The following XCR1 variants were observed in gnomAD, a reference collection of about 807,000 sequenced individuals.
The protein encoded by XCR1 is X-C motif chemokine receptor 1.
For missense variants in XCR1, 356 were observed against 424.2 expected, an observed-to-expected ratio of 0.84 and a Z score of 1.41; for synonymous variants, 187 against 188.5, an observed-to-expected ratio of 0.99 and a Z score of 0.06.
intron 3 of XCR1, among the ~76,000 whole-genome samples, chr3:46,070,478 T>C (rs1485725194): frequency 4.6e-5 from 7 of 152,144 alleles, no homozygotes; most frequent in African/African-American, 1.7e-4. Flanking sequence ...GTTGGCTGCA[T>C]ATATATTTAG....
At chr3:46,082,346 T>A (rs1032722504) in intron 1 of XCR1, among the ~76,000 whole-genome samples, 7 of 152,098 alleles carry the variant, frequency 4.6e-5, no homozygotes, top group African/African-American at 9.7e-5. Flanking sequence ...GTATCCTCTC[T>A]TGGATAAAAT....
intron 4 of XCR1, among the ~76,000 whole-genome samples, chr3:46,060,476 C>A (rs1198008876): frequency 6.6e-6 from 1 of 152,164 alleles, no homozygotes; most frequent in Admixed American, 6.5e-5. Context: ...TCATCCCAAC[C>A]AACACAGCAC....
chr3:46,061,659 A>T (rs1697964341), intron 4 of XCR1, among the ~76,000 whole-genome samples: 1 of 152,148 alleles, frequency 6.6e-6, no homozygotes. Context: ...AAATCAGAAG[A>T]TACAGCCATA....
chr3:46,037,499 A>G (rs1237114489), intron 5 of XCR1, among the ~76,000 whole-genome samples: 2 of 152,188 alleles, frequency 1.3e-5, no homozygotes, highest in African/African-American at 4.8e-5. Context: ...ATGACTAGTT[A>G]TTTAAAAAAG....
intron 5 of XCR1, among the ~76,000 whole-genome samples, chr3:46,041,337 A>G (rs1387744231): frequency 6.6e-6 from 1 of 152,142 alleles, no homozygotes; most frequent in Non-Finnish European, 1.5e-5. Flanking sequence ...TTCTTGTTGC[A>G]CTTTGTGTGA....
chr3:46,032,834 T>C (rs934970238), intron 5 of XCR1, among the ~76,000 whole-genome samples: 2 of 152,236 alleles, frequency 1.3e-5, no homozygotes, highest in Non-Finnish European at 2.9e-5. Flanking sequence ...AATACGTGCA[T>C]GGGGTACCTC....
chr3:46,085,229 G>T (rs1698452925), intron 1 of XCR1, among the ~76,000 whole-genome samples: 1 of 146,554 alleles, frequency 6.8e-6, no homozygotes, highest in Admixed American at 6.8e-5. Context: ...AAAAAAAAAG[G>T]TTCCATCACC....
intron 4 of XCR1, among the ~76,000 whole-genome samples, chr3:46,054,825 G>A (rs1697822929): frequency 2.0e-5 from 3 of 152,166 alleles, no homozygotes; most frequent in African/African-American, 4.8e-5. Context: ...GATGAATGAG[G>A]GGGTCAGGCA....
chr3:46,035,697 C>T (rs1191428584), intron 5 of XCR1, among the ~76,000 whole-genome samples: 3 of 152,154 alleles, frequency 2.0e-5, no homozygotes, highest in African/African-American at 4.8e-5. Context: ...GGTGAGTGTC[C>T]TTTGTGGGCC....
intron 1 of XCR1, 40 bp from the exon 2 acceptor site, chr3:46,022,018 G>T (rs544440022): frequency 4.6e-6 from 7 of 1,517,668 alleles, no homozygotes; most frequent in Non-Finnish European, 6.2e-6. Flanking sequence ...CCATGTGGTG[G>T]CTGGGTACAG....
chr3:46,023,174 A>T (rs1708195520), intron 1 of XCR1: 1 of 426,318 alleles, frequency 2.3e-6, no homozygotes, highest in African/African-American at 2.1e-5. Context: ...GGGCCTGAGG[A>T]GGAAGTGGAG....
intron 4 of XCR1, among the ~76,000 whole-genome samples, chr3:46,065,461 C>G (rs971092144): frequency 6.6e-6 from 1 of 152,238 alleles, no homozygotes; most frequent in Non-Finnish European, 1.5e-5. Flanking sequence ...CACTCTACAA[C>G]AAGCTCCGGC....
upstream of XCR1, among the ~76,000 whole-genome samples, chr3:46,031,271 C>T (rs1708390053): frequency 6.6e-6 from 1 of 152,248 alleles, no homozygotes; most frequent in African/African-American, 2.4e-5. Context: ...CATCTCTGCA[C>T]TGTCGGGGGC....
intron 4 of XCR1, among the ~76,000 whole-genome samples, chr3:46,064,336 C>G (rs1482189628): frequency 6.6e-6 from 1 of 152,178 alleles, no homozygotes; most frequent in Non-Finnish European, 1.5e-5. Context: ...TCTCCAGTGC[C>G]TAGGGCAGTA....
chr3:46,064,765 C>T (rs1304285139), intron 4 of XCR1, among the ~76,000 whole-genome samples: 1 of 152,238 alleles, frequency 6.6e-6, no homozygotes, highest in Non-Finnish European at 1.5e-5. Flanking sequence ...ACCAGCTCAA[C>T]AGCACCAAGG....
intron 5 of XCR1, among the ~76,000 whole-genome samples, chr3:46,035,630 G>A (rs918206849): frequency 6.6e-6 from 1 of 152,192 alleles, no homozygotes; most frequent in Non-Finnish European, 1.5e-5. Context: ...GGTCTCAACT[G>A]TGTTCCTGAT....
intron 4 of XCR1, among the ~76,000 whole-genome samples, chr3:46,057,882 G>GTCCA (rs1027471283): frequency 7.4e-6 from 1 of 134,800 alleles, no homozygotes; most frequent in African/African-American, 3.2e-5. Context: ...TTATCTGTCT[G>GTCCA]TCTATCTATC....
rs573724659 is a variant in XCR1, at chr3:46,021,171, G to A, written c.777C>T (p.Cys259=). The stretch of plus-strand genomic sequence containing the variant: ...CGTATTCTAGCTGCTGTTTGGCCTC[G>A]CAGCTCCGGATGATCTGGGTCCGAA... The part of the protein sequence containing the change: ...TLFRTQIIRS[C]EAKQQLEYAL... The change falls in exon 2 of 2, where the codon TGC becomes TGT. Residue 259 remains cysteine (C), a synonymous_variant. Coordinates refer to ENST00000309285, the MANE Select transcript of XCR1 (RefSeq NM_001024644.2). This position sits in a 1 kb window ranked among gnomAD's most constrained non-coding sequence, Gnocchi z 4.7. The A allele has an allele frequency of 6.2e-6, 10 of 1,614,238 alleles. No homozygotes were observed. Among genetic ancestry groups the A allele is most frequent in the East Asian group, 4.5e-5 (2 of 44,890 alleles).
At chr3:46,042,974 G>A (rs1220630509) in intron 5 of XCR1, among the ~76,000 whole-genome samples, 1 of 152,078 alleles carries the variant, frequency 6.6e-6, no homozygotes, top group African/African-American at 2.4e-5. Context: ...TATATACTTG[G>A]ATTAAGAGAG....
Sources: gnomAD v4.1 joint callset for allele counts (sites outside exome capture counted in the v4.1 genomes callset) on GRCh38, gnomAD v4.1.1 for gene constraint, Gnocchi (gnomAD v3.1) non-coding constraint, MANE v1.5 for transcripts, NCBI Gene and HGNC (gene_info 2026-07-23, HGNC 2026-07-21) for gene names.